PDE4D: variants seen among roughly 807,000 people sequenced by gnomAD.
PDE4D encodes phosphodiesterase 4D, also known as 3',5'-cyclic-AMP phosphodiesterase 4D.
Under a neutral mutation model 87.4 loss-of-function variants are expected in PDE4D, and 24 were observed. That is an observed-to-expected ratio of 0.27 (90% CI 0.20 to 0.39). PDE4D has a LOEUF of 0.39. Among genes scored for constraint, PDE4D ranks in the 10% least tolerant of loss-of-function variants. The pLI is 1.00. For missense variants in PDE4D, 714 were observed against 1,041.0 expected (o/e 0.69, Z 4.32); for synonymous variants, 384 against 383.2 (o/e 1.00, Z -0.02).
chr5:59,614,483 C>T (rs1431008933), intron 1 of PDE4D, among the ~76,000 whole-genome samples: 1 of 152,148 alleles, frequency 6.6e-6, no homozygotes, highest in Non-Finnish European at 1.5e-5. Flanking sequence ...TGCAGCATTG[C>T]TTCTATTATT....
At chr5:59,810,111 T>G (rs986096528) in intron 1 of PDE4D, among the ~76,000 whole-genome samples, 1 of 152,218 alleles carries the variant, frequency 6.6e-6, no homozygotes, top group Non-Finnish European at 1.5e-5. Flanking sequence ...GTGCTCCTTA[T>G]GGCTGCTCGT....
intron 1 of PDE4D, among the ~76,000 whole-genome samples, chr5:59,243,426 C>T (rs116393964): frequency 0.018 from 2,284 of 130,136 alleles, 58 homozygotes; most frequent in African/African-American, 0.061. Context: ...AGAGAATTCA[C>T]TATACAATTT....
intron 1 of PDE4D, among the ~76,000 whole-genome samples, chr5:60,278,726 C>A (rs76492626): frequency 0.025 from 3,769 of 152,132 alleles, 140 homozygotes; most frequent in African/African-American, 0.087. Flanking sequence ...TAAAACTCCA[C>A]GTGGCTCATC....
intron 1 of PDE4D, among the ~76,000 whole-genome samples, chr5:59,516,888 T>C (rs1421916546): frequency 6.6e-6 from 1 of 152,230 alleles, no homozygotes; most frequent in East Asian, 1.9e-4. Flanking sequence ...CACATATTCT[T>C]TCTCCAATAC....
chr5:60,291,528 C>A (rs1465139693), intron 1 of PDE4D, among the ~76,000 whole-genome samples: 2 of 151,300 alleles, frequency 1.3e-5, no homozygotes, highest in African/African-American at 2.4e-5. Context: ...ATATAACGAA[C>A]AAATATAACG....
Position 59,635,883 on chromosome 5 carries a change from A to G in PDE4D, c.455+257285T>C, listed in dbSNP as rs1010792132. Among the ~76,000 whole-genome samples the G allele has an allele frequency of 6.6e-5, 10 of 152,226 alleles. No homozygotes were observed. In the East Asian group the frequency reaches 9.6e-4, roughly 15 times the overall value. On this transcript the variant is annotated intron_variant, in intron 1 of 14. Transcript: ENST00000340635. ...CAACACAGTATTGGAAGTTCTGGCC[A>G]GGGCAATCAGGCAAGAGAAAGAAAT...
rs573410873 is a variant in PDE4D, at chr5:59,858,992, A to G, written c.455+34176T>C. On this transcript the variant is annotated intron_variant, in intron 1 of 14. Coordinates refer to ENST00000340635, the MANE Select transcript of PDE4D (RefSeq NM_001104631.2). ...AACACTGCACAAGTACTGAAGCAACATGGGAATTTATGCTTTGTTGGTAAA... is the reference window on the plus strand; with the variant it reads ...AACACTGCACAAGTACTGAAGCAACGTGGGAATTTATGCTTTGTTGGTAAA... Among the ~76,000 whole-genome samples, 20 of 152,346 alleles carry G rather than the reference A, an allele frequency of 1.3e-4. No homozygotes were observed. In the South Asian group the frequency reaches 3.9e-3, roughly 30 times the overall value.
intron 1 of PDE4D, chr5:59,586,526 C>A: frequency 7.1e-7 from 1 of 1,406,186 alleles, no homozygotes; most frequent in Non-Finnish European, 9.3e-7. Flanking sequence ...AAAAAATCTC[C>A]CCCCACCAAT....
At chr5:59,970,238 T>G (rs998851527) in intron 3 of PDE4D, among the ~76,000 whole-genome samples, 1 of 152,128 alleles carries the variant, frequency 6.6e-6, no homozygotes, top group African/African-American at 2.4e-5. Flanking sequence ...ACGTTAGACC[T>G]AAAACCATAA....
intron 3 of PDE4D, among the ~76,000 whole-genome samples, chr5:59,903,402 C>T (rs541139527): frequency 6.6e-6 from 1 of 152,044 alleles, no homozygotes; most frequent in East Asian, 1.9e-4. Flanking sequence ...TCAAACTGTT[C>T]TGATGTATAA....
In PDE4D at chr5:58,976,470, T is replaced by A; in HGVS notation, c.1710A>T (p.Val570=). Residue 570 remains valine (V), a splice_region_variant and synonymous_variant, in exon 13 of 15, where the codon GTA becomes GTT. Coordinates refer to ENST00000340635, the MANE Select transcript of PDE4D (RefSeq NM_001104631.2). ...QSLRKMVIDI[V]LATDMSKHMN... is the part of the protein sequence containing the mutation. Reference sequence around the variant, plus strand: ...TGTGTTTTGACATATCTGTTGCAAGTACCTTAAAATATAGAGTATATTATT... The same window carrying A: ...TGTGTTTTGACATATCTGTTGCAAGAACCTTAAAATATAGAGTATATTATT... 1 of 1,555,292 alleles carries A rather than the reference T, an allele frequency of 6.4e-7. No homozygotes were observed. The highest frequency in any genetic ancestry group is 1.2e-5 in the South Asian group (1 of 84,810).
At chr5:59,698,155 A>G (rs1476861163) in intron 1 of PDE4D, among the ~76,000 whole-genome samples, 2 of 152,154 alleles carry the variant, frequency 1.3e-5, no homozygotes, top group Non-Finnish European at 2.9e-5. Flanking sequence ...TCTAAAAGAA[A>G]CTGGACTTTG....
At chr5:60,196,086 C>G (rs1741186111) in intron 1 of PDE4D, among the ~76,000 whole-genome samples, 1 of 151,570 alleles carries the variant, frequency 6.6e-6, no homozygotes, top group African/African-American at 2.4e-5. Context: ...TATTTCAGCA[C>G]AAATTTATTA....
intron 1 of PDE4D, among the ~76,000 whole-genome samples, chr5:60,432,985 A>C (rs1271597458): frequency 6.6e-6 from 1 of 152,242 alleles, no homozygotes; most frequent in Non-Finnish European, 1.5e-5. Context: ...CCATTGAAGA[A>C]AACCTAGGAA....
chr5:59,965,939 C>CT (rs1010521940), intron 3 of PDE4D, among the ~76,000 whole-genome samples: 49 of 152,260 alleles, frequency 3.2e-4, no homozygotes, highest in African/African-American at 1.1e-3. Flanking sequence ...AACCCTTAGT[C>CT]TAACTTGTTT....
intron 1 of PDE4D, among the ~76,000 whole-genome samples, chr5:59,282,158 A>C (rs1009930372): frequency 2.6e-5 from 4 of 152,156 alleles, no homozygotes; most frequent in Non-Finnish European, 5.9e-5. Flanking sequence ...AATTTATAGT[A>C]GCTTCCTGTA....
chr5:59,508,007 G>T (rs1809596875), intron 1 of PDE4D, among the ~76,000 whole-genome samples: 1 of 152,166 alleles, frequency 6.6e-6, no homozygotes, highest in Admixed American at 6.5e-5. Context: ...AATTATACTG[G>T]ATGATTGCTT....
intron 1 of PDE4D, among the ~76,000 whole-genome samples, chr5:59,635,102 A>C (rs1832066372): frequency 6.6e-6 from 1 of 152,232 alleles, no homozygotes; most frequent in Non-Finnish European, 1.5e-5. Flanking sequence ...AGAGAATACT[A>C]TAAACACCTC....
At chr5:59,167,583 A>G (rs2153470572) in intron 5 of PDE4D, among the ~76,000 whole-genome samples, 1 of 152,258 alleles carries the variant, frequency 6.6e-6, no homozygotes, top group Middle Eastern at 3.4e-3. Flanking sequence ...TTCAGTCTCT[A>G]AGCTAACACT....
Sources: allele counts gnomAD v4.1 joint callset (sites outside exome capture counted in the v4.1 genomes callset), GRCh38; gene constraint gnomAD v4.1.1; transcripts MANE v1.5; gene names NCBI Gene and HGNC (gene_info 2026-07-23, HGNC 2026-07-21).